The following VMP1 variants were observed in gnomAD, a reference collection of about 807,000 sequenced individuals.
VMP1 encodes ectopic P-granules autophagy protein 3 homolog.
VMP1 carries 11 observed loss-of-function variants against 56.0 expected under a neutral mutation model. That is an observed-to-expected ratio of 0.20 (90% CI 0.12 to 0.32). VMP1 has a LOEUF of 0.32. VMP1 is among the 10% of genes least tolerant of loss of function. The pLI is 1.00. For synonymous variants in VMP1, 149 were observed against 165.0 expected, an observed-to-expected ratio of 0.90 and a Z score of 0.74; for missense variants, 296 against 490.3, an observed-to-expected ratio of 0.60 and a Z score of 3.74.
At chr17:59,804,204 A>G (rs2037768865) in intron 7 of VMP1, among the ~76,000 whole-genome samples, 1 of 152,176 alleles carries the variant, frequency 6.6e-6, no homozygotes, top group African/African-American at 2.4e-5. Context: ...GGAAAGCAAA[A>G]TTGCACGTAA....
intron 1 of VMP1, among the ~76,000 whole-genome samples, chr17:59,724,093 T>C (rs1466208390): frequency 6.6e-6 from 1 of 151,924 alleles, no homozygotes; most frequent in Non-Finnish European, 1.5e-5. Context: ...GTTCCTGTAG[T>C]TCCAGCTGCT....
intron 1 of VMP1, among the ~76,000 whole-genome samples, chr17:59,720,030 C>A (rs2034332569): frequency 6.6e-6 from 1 of 152,194 alleles, no homozygotes; most frequent in Non-Finnish European, 1.5e-5. Context: ...AGATTTGTTT[C>A]AGCAACCTCA....
chr17:59,802,111 G>A (rs2037691404), intron 7 of VMP1, among the ~76,000 whole-genome samples: 2 of 151,978 alleles, frequency 1.3e-5, no homozygotes, highest in African/African-American at 4.8e-5. Flanking sequence ...TGAGGTGTGA[G>A]AATCGCTTGA....
intron 7 of VMP1, 122 bp downstream of exon 7, chr17:59,774,007 GA>G: frequency 2.1e-6 from 2 of 933,878 alleles, no homozygotes; most frequent in Non-Finnish European, 2.9e-6. Flanking sequence ...AAAAAAGAAA[GA>G]AAAATATTGC....
intron 5 of VMP1, among the ~76,000 whole-genome samples, chr17:59,745,846 A>C (rs1228495246): frequency 6.6e-6 from 1 of 152,234 alleles, no homozygotes; most frequent in African/African-American, 2.4e-5. Flanking sequence ...GGTGAAAAAG[A>C]AACTAATTTT....
At chr17:59,714,113 A>T (rs1281163253) in intron 1 of VMP1, among the ~76,000 whole-genome samples, 1 of 151,988 alleles carries the variant, frequency 6.6e-6, no homozygotes, top group Non-Finnish European at 1.5e-5. Flanking sequence ...AGAATACCCG[A>T]AACTGGGTAA....
intron 10 of VMP1, among the ~76,000 whole-genome samples, chr17:59,818,068 G>A (rs1189673860): frequency 6.6e-6 from 1 of 152,042 alleles, no homozygotes; most frequent in East Asian, 1.9e-4. Context: ...ATAAGAAATT[G>A]TCTTTATATA....
intron 5 of VMP1, among the ~76,000 whole-genome samples, chr17:59,759,903 G>GTTTTTGTTTTTTTTTTTTTTTTGTTT (rs2035980744): frequency 1.0e-5 from 1 of 97,954 alleles, no homozygotes; most frequent in Non-Finnish European, 2.5e-5. Context: ...GTTTTTTGGT[G>GTTTTTGTTTTTTTTTTTTTTTTGTTT]TTTTTTTTTT....
chr17:59,727,413 C>T (rs1033562398), intron 1 of VMP1, among the ~76,000 whole-genome samples: 1 of 152,184 alleles, frequency 6.6e-6, no homozygotes, highest in Admixed American at 6.5e-5. Flanking sequence ...GGATTACAGG[C>T]GTGAGCCATC....
intron 7 of VMP1, among the ~76,000 whole-genome samples, chr17:59,794,450 C>G (rs1225888288): frequency 6.7e-6 from 1 of 149,594 alleles, no homozygotes; most frequent in Non-Finnish European, 1.5e-5. Context: ...GAACTCCTAA[C>G]CTCATGATCT....
chr17:59,776,738 C>T (rs1232172685), intron 7 of VMP1, among the ~76,000 whole-genome samples: 2 of 152,142 alleles, frequency 1.3e-5, no homozygotes. Flanking sequence ...ATGGCACTAA[C>T]TAATGTATGT....
At chr17:59,713,291 A>G (rs2034003767) in intron 1 of VMP1, among the ~76,000 whole-genome samples, 4 of 151,950 alleles carry the variant, frequency 2.6e-5, no homozygotes, top group Admixed American at 2.6e-4. Context: ...TAGGAGATAT[A>G]CCTAATGTAA....
intron 8 of VMP1, among the ~76,000 whole-genome samples, chr17:59,811,253 A>T (rs2038041822): frequency 6.6e-6 from 1 of 152,224 alleles, no homozygotes; most frequent in Non-Finnish European, 1.5e-5. Context: ...TAACTGCTGA[A>T]ACAATCTTAA....
At chr17:59,808,209 G>A (rs190344541) in intron 7 of VMP1, among the ~76,000 whole-genome samples, 1 of 152,300 alleles carries the variant, frequency 6.6e-6, no homozygotes, top group East Asian at 1.9e-4. Context: ...TTTCTGGGCT[G>A]CAGTTTTGTG....
chr17:59,772,002 T>C (rs1345867790), intron 6 of VMP1, among the ~76,000 whole-genome samples: 1 of 152,064 alleles, frequency 6.6e-6, no homozygotes, highest in Non-Finnish European at 1.5e-5. Context: ...GGCAGTTAAG[T>C]ATTCTTTTTC....
chr17:59,830,342 G>C (rs2038768262), intron 10 of VMP1, among the ~76,000 whole-genome samples: 1 of 152,018 alleles, frequency 6.6e-6, no homozygotes, highest in South Asian at 2.1e-4. Flanking sequence ...GGATTACAGT[G>C]AGCCACCAAG....
chr17:59,784,645 A>G (rs1196711881), intron 7 of VMP1, among the ~76,000 whole-genome samples: 1 of 152,224 alleles, frequency 6.6e-6, no homozygotes, highest in African/African-American at 2.4e-5. Flanking sequence ...GATACTTTGA[A>G]TAGATGATGA....
Position 59,811,655 on chromosome 17 carries a change from T to C in VMP1, c.796-15T>C. On this transcript the variant is annotated splice_polypyrimidine_tract_variant and intron_variant, in intron 8 of 11. Transcript: ENST00000262291. ...TTGGATTATAATATGGAAGTCCTTC[T>C]TTTTCTCTCTATAGATTCCAAATCC... 6.4e-7 allele frequency: 1 copy of C among 1,567,016 alleles called. No homozygotes were observed. The highest frequency in any genetic ancestry group is 8.7e-7 in the Non-Finnish European group (1 of 1,143,610).
rs985691467 is a variant in VMP1 at position 59,827,093 on chromosome 17, G to A, written c.974+9320G>A. On this transcript the variant is annotated intron_variant, in intron 10 of 11. Transcript: ENST00000262291. ...CTCTCCCAGCATCCTTCTAGATAGA[G>A]TTCCTTGAGGACAGAGATCATAACT... Among the ~76,000 whole-genome samples, 9 of 152,108 alleles carry A rather than the reference G, an allele frequency of 5.9e-5. No homozygotes were observed. In the East Asian group the frequency reaches 1.7e-3, roughly 29 times the overall value.
Sources: gnomAD v4.1 joint callset for allele counts (sites outside exome capture counted in the v4.1 genomes callset) on GRCh38, gnomAD v4.1.1 for gene constraint, MANE v1.5 for transcripts, NCBI Gene and HGNC (gene_info 2026-07-23, HGNC 2026-07-21) for gene names.